The following ATP13A5 variants were observed in gnomAD, a reference collection of about 807,000 sequenced individuals.
The protein encoded by ATP13A5 is ATPase 13A5, also known as probable cation-transporting ATPase 13A5.
ATP13A5 carries 149 observed loss-of-function variants against 150.2 expected under a neutral mutation model. That is an observed-to-expected ratio of 0.99 (90% CI 0.87 to 1.14). The LOEUF (loss-of-function observed/expected upper bound fraction) is 1.14, where lower values mean the gene tolerates loss of function less well. Ranked by LOEUF, ATP13A5 falls within the 50% of genes most tolerant of loss-of-function variation. The pLI is 0.00. For synonymous variants in ATP13A5, 497 were observed against 522.2 expected, an observed-to-expected ratio of 0.95 and a Z score of 0.66; for missense variants, 1,383 against 1,449.3, an observed-to-expected ratio of 0.95 and a Z score of 0.74.
At position 193,363,295 on chromosome 3, in the gene ATP13A5, A is replaced by G. The variant is rs1301495143; in HGVS notation, c.325T>C (p.Ser109Pro). Residue 109 changes from serine to proline, a missense_variant, in exon 3 of 30, where the codon TCC (serine) becomes CCC (proline). Around this residue, in one of 3 missense-constraint regions of ATP13A5, gnomAD observed 787 missense variants for 771.9 expected, o/e 1.02. Coordinates refer to ENST00000342358, the MANE Select transcript of ATP13A5 (RefSeq NM_198505.4). ...ACAGAGTGGCGGTCAGCCACCAGGG[A>G]TTCTTCCCACTTCTTGCTTACAGGA... is the stretch of plus-strand genomic sequence containing the variant. ...KFPVSKKWEE[S>P]LVADRHSVIN... 1 of 1,613,938 alleles carries G rather than the reference A, an allele frequency of 6.2e-7. No individual in the cohort carries two copies. Among genetic ancestry groups the G allele is most frequent in the Admixed American group, 1.7e-5 (1 of 60,012 alleles).
chr3:193,378,737 C>A lies in ATP13A5; in HGVS notation c.-12G>T. On this transcript the variant is annotated 5_prime_UTR_variant, in exon 1 of 30. Transcript: ENST00000342358. ...CTGTTCTCTTCCATCTGAACTCAAC[C>A]GGCGAGGATCTCTTCTGGCTAACTC... 1 of 1,612,544 alleles carries A rather than the reference C, an allele frequency of 6.2e-7. No homozygotes were observed. The highest frequency in any genetic ancestry group is 8.5e-7 in the Non-Finnish European group (1 of 1,178,712).
intron 16 of ATP13A5, 103 bp from the exon 17 acceptor site, chr3:193,319,211 A>G (rs1577347136): frequency 1.3e-6 from 1 of 793,482 alleles, no homozygotes; most frequent in East Asian, 2.5e-5. Flanking sequence ...CTTTCATTCC[A>G]TAAAAGCACT....
rs74437357 is a variant in ATP13A5, at chr3:193,334,980, G to A, written c.1063C>T (p.Gln355Ter). ...HVLFCGTEVIQVKPSGQGPVR... is the reference protein window; with the variant it reads ...HVLFCGTEVI ...GGCCCCTGCCCAGAGGGCTTGACCT[G>A]GATAACTTCTGTTCCACAGAAAAGG... The change falls in exon 10 of 30, where the codon CAG (glutamine) becomes TAG (stop). Residue 355 changes from glutamine (Q) to a stop codon, truncating the protein, a stop_gained. Coordinates refer to ENST00000342358, the MANE Select transcript of ATP13A5 (RefSeq NM_198505.4). LOFTEE classifies it high-confidence loss of function. 0.029 allele frequency: 47,228 copies of A among 1,613,820 alleles called. 863 individuals carry two copies. The highest frequency in any genetic ancestry group is 0.034 in the Non-Finnish European group (40,455 of 1,179,788).
chr3:193,310,746 T>C, intron 20 of ATP13A5, 29 bp from the exon 21 acceptor site: 8 of 1,545,574 alleles, frequency 5.2e-6, no homozygotes, highest in Non-Finnish European at 7.0e-6. Context: ...CATTGCAATA[T>C]GATTGGGAAG....
chr3:193,333,512 C>T (rs992711234), intron 11 of ATP13A5, among the ~76,000 whole-genome samples: 46 of 152,216 alleles, frequency 3.0e-4, no homozygotes, highest in African/African-American at 1.0e-3. Context: ...AAATTAACTT[C>T]ATTTCAGACC....
At chr3:193,278,191 T>C (rs1367227389) in intron 28 of ATP13A5, among the ~76,000 whole-genome samples, 2 of 152,196 alleles carry the variant, frequency 1.3e-5, no homozygotes, top group Non-Finnish European at 2.9e-5. Context: ...TCTTTGTAAC[T>C]CTAGTACCAA....
intron 7 of ATP13A5, among the ~76,000 whole-genome samples, chr3:193,347,873 G>A (rs1355676247): frequency 1.3e-5 from 2 of 152,156 alleles, no homozygotes; most frequent in Admixed American, 6.5e-5. Flanking sequence ...CTCCACCTGT[G>A]TGAGTGTACT....
chr3:193,366,899 A>G (rs1371783493), intron 1 of ATP13A5, among the ~76,000 whole-genome samples: 1 of 152,116 alleles, frequency 6.6e-6, no homozygotes, highest in Non-Finnish European at 1.5e-5. Context: ...AGAATAACTT[A>G]AAAATTCCCA....
rs529979449 is a variant in ATP13A5, at chr3:193,337,634, C to T, written c.944-2535G>A. Among the ~76,000 whole-genome samples, 6 of 152,256 alleles carry T rather than the reference C, an allele frequency of 3.9e-5. No individual in the cohort carries two copies. The East Asian group carries it at 1.2e-3, about 29-fold the overall frequency. ...TACCACACTGTTTTGATTACTGTAG[C>T]CTTGTAGTATAGTTTGAAGTCAGGT... On this transcript the variant is annotated intron_variant, in intron 9 of 29. Coordinates refer to ENST00000342358, the MANE Select transcript of ATP13A5 (RefSeq NM_198505.4).
chr3:193,315,324 C>G (rs1719009637), intron 17 of ATP13A5, among the ~76,000 whole-genome samples: 1 of 152,134 alleles, frequency 6.6e-6, no homozygotes, highest in Admixed American at 6.5e-5. Flanking sequence ...TTTCCAGTTT[C>G]CAACTTTATT....
At chr3:193,350,985 C>T in intron 7 of ATP13A5, 82 bp downstream of exon 7, 1 of 1,508,076 alleles carries the variant, frequency 6.6e-7, no homozygotes, top group Non-Finnish European at 9.0e-7. Context: ...CAAAGCAACT[C>T]CTGGCTCTCA....
chr3:193,336,856 G>A (rs1166576909), intron 9 of ATP13A5, among the ~76,000 whole-genome samples: 4 of 152,208 alleles, frequency 2.6e-5, no homozygotes, highest in Non-Finnish European at 4.4e-5. Context: ...CCCACCAACA[G>A]TGTAAAAGTG....
At chr3:193,291,811 A>G (rs1038372405) in intron 25 of ATP13A5, among the ~76,000 whole-genome samples, 2 of 152,012 alleles carry the variant, frequency 1.3e-5, no homozygotes, top group African/African-American at 4.8e-5. Context: ...GGAAAGGACA[A>G]TGGAAGTGTC....
chr3:193,334,636 G>T (rs1333588751), intron 10 of ATP13A5, among the ~76,000 whole-genome samples: 1 of 152,128 alleles, frequency 6.6e-6, no homozygotes, highest in African/African-American at 2.4e-5. Context: ...ACTCAGAGGA[G>T]GTGTCAAGGG....
intron 14 of ATP13A5, 95 bp from the exon 15 acceptor site, chr3:193,322,669 C>A: frequency 2.3e-6 from 2 of 879,326 alleles, no homozygotes; most frequent in South Asian, 1.6e-5. Context: ...CTTTTCAAAG[C>A]CATTTTTACA....
intron 27 of ATP13A5, 48 bp downstream of exon 27, chr3:193,284,866 G>A (rs1428630826): frequency 2.1e-6 from 3 of 1,458,158 alleles, no homozygotes; most frequent in Non-Finnish European, 2.8e-6. Flanking sequence ...GGGTGAGAAA[G>A]GGAATGGGAA....
intron 5 of ATP13A5, among the ~76,000 whole-genome samples, chr3:193,357,522 G>T (rs991245632): frequency 2.0e-5 from 3 of 152,136 alleles, no homozygotes; most frequent in Non-Finnish European, 4.4e-5. Context: ...ATATTCAGGG[G>T]TGTTGACTAA....
At chr3:193,329,126 T>G (rs142726367) in intron 12 of ATP13A5, among the ~76,000 whole-genome samples, 1 of 151,958 alleles carries the variant, frequency 6.6e-6, no homozygotes, top group South Asian at 2.1e-4. Flanking sequence ...ACGCCTGTAA[T>G]CCCAGCTACT....
At chr3:193,301,381 C>T (rs1478366542) in intron 23 of ATP13A5, 74 bp from the exon 24 acceptor site, 14 of 1,129,886 alleles carry the variant, frequency 1.2e-5, no homozygotes, top group South Asian at 2.7e-5. Context: ...ATACTTAAAA[C>T]GAGTTATATT....
Sources: gnomAD v4.1 joint callset for allele counts (sites outside exome capture counted in the v4.1 genomes callset) on GRCh38, gnomAD v4.1.1 for gene constraint, gnomAD v4.1.1 regional missense constraint, MANE v1.5 for transcripts, NCBI Gene and HGNC (gene_info 2026-07-23, HGNC 2026-07-21) for gene names.